The following NDUFA10 variants were observed in gnomAD, a reference collection of about 807,000 sequenced individuals.
NDUFA10 encodes NADH dehydrogenase [ubiquinone] 1 alpha subcomplex subunit 10, mitochondrial.
A neutral mutation model predicts 47.8 loss-of-function variants in NDUFA10; 40 were observed. The observed-to-expected ratio is 0.84, with a 90% CI of 0.65 to 1.09. The LOEUF (loss-of-function observed/expected upper bound fraction) is 1.09. NDUFA10 is among the 50% of genes least tolerant of loss of function. NDUFA10 has a pLI of 0.00. For missense variants in NDUFA10, 413 were observed against 451.1 expected (o/e 0.92, Z 0.76); for synonymous variants, 183 against 172.2 (o/e 1.06, Z -0.49).
intron 4 of NDUFA10, among the ~76,000 whole-genome samples, chr2:239,896,136 C>T (rs1438886767): frequency 2.6e-5 from 4 of 152,242 alleles, no homozygotes; most frequent in African/African-American, 9.6e-5. Flanking sequence ...TCGAGTCCTG[C>T]TGGTCTCCCG....
intron 4 of NDUFA10, among the ~76,000 whole-genome samples, chr2:239,931,411 T>C (rs566583333): frequency 6.1e-4 from 93 of 152,366 alleles, no homozygotes; most frequent in African/African-American, 2.1e-3. Context: ...CTCATCTCAG[T>C]ATCCTTAACT....
intron 4 of NDUFA10, among the ~76,000 whole-genome samples, chr2:239,903,049 A>G (rs1389238475): frequency 6.6e-6 from 1 of 152,132 alleles, no homozygotes; most frequent in Non-Finnish European, 1.5e-5. Context: ...CGGAACTCAC[A>G]TGGGCAATGA....
In NDUFA10 at chr2:239,937,305, G is replaced by A. The variant is rs115942844; in HGVS notation, c.295-41991C>T. ...ATTTACAGAATTGCGTAACTACTGC[G>A]GTATGATTTTAGAACATTTCCATCA... On this transcript the variant is annotated intron_variant, in intron 4 of 5. Transcript: ENST00000419408. Among the ~76,000 whole-genome samples, 56 of 152,288 alleles carry A rather than the reference G, an allele frequency of 3.7e-4. 1 individual carries two copies. The highest frequency in any genetic ancestry group is 1.1e-3 in the African/African-American group (47 of 41,564).
intron 4 of NDUFA10, among the ~76,000 whole-genome samples, chr2:239,947,195 C>T (rs1320071463): frequency 6.6e-6 from 1 of 152,248 alleles, no homozygotes; most frequent in East Asian, 1.9e-4. Flanking sequence ...CGCCTGCTCA[C>T]ACTGCTTAGA....
At chr2:239,904,309 T>G (rs1693608668) in intron 4 of NDUFA10, among the ~76,000 whole-genome samples, 2 of 152,196 alleles carry the variant, frequency 1.3e-5, no homozygotes, top group East Asian at 3.9e-4. Flanking sequence ...TCGTTATACA[T>G]ATTTTTTAGA....
At chr2:239,902,179 C>A (rs1574765216) in intron 4 of NDUFA10, among the ~76,000 whole-genome samples, 2 of 152,194 alleles carry the variant, frequency 1.3e-5, no homozygotes, top group Admixed American at 1.3e-4. Context: ...GGATAAAATG[C>A]TATCAAATAG....
intron 4 of NDUFA10, among the ~76,000 whole-genome samples, chr2:239,909,260 A>G (rs1206579349): frequency 6.6e-6 from 1 of 152,162 alleles, no homozygotes; most frequent in East Asian, 1.9e-4. Context: ...CTTACACCCT[A>G]TACAAAAATG....
intron 3 of NDUFA10, among the ~76,000 whole-genome samples, chr2:240,019,451 A>G (rs1005429429): frequency 3.9e-5 from 6 of 152,220 alleles, no homozygotes; most frequent in African/African-American, 1.4e-4. Context: ...GCAAGGCTTT[A>G]TTTAACAAGT....
downstream of NDUFA10, among the ~76,000 whole-genome samples, chr2:239,954,151 G>A (rs1280487743): frequency 6.9e-6 from 1 of 145,956 alleles, no homozygotes; most frequent in Non-Finnish European, 1.5e-5. Flanking sequence ...TTCCCCCGAC[G>A]GTCAGGCTGT....
At chr2:239,899,692 A>G (rs1693506993) in intron 4 of NDUFA10, among the ~76,000 whole-genome samples, 1 of 152,124 alleles carries the variant, frequency 6.6e-6, no homozygotes. Context: ...CACCCTGCAC[A>G]TCCCTGAGGG....
At chr2:239,980,114 C>G (rs777484303) in intron 9 of NDUFA10, among the ~76,000 whole-genome samples, 1 of 152,204 alleles carries the variant, frequency 6.6e-6, no homozygotes, top group Non-Finnish European at 1.5e-5. Context: ...CCCTGGCACC[C>G]TGTTACCTGT....
intron 8 of NDUFA10, among the ~76,000 whole-genome samples, chr2:240,002,374 T>C (rs2106465575): frequency 6.6e-6 from 1 of 151,514 alleles, no homozygotes; most frequent in Admixed American, 6.6e-5. Flanking sequence ...AAAGCGGGTT[T>C]TGTTGTTTGT....
At chr2:240,019,477 C>A (rs1341796753) in intron 3 of NDUFA10, among the ~76,000 whole-genome samples, 1 of 152,100 alleles carries the variant, frequency 6.6e-6, no homozygotes, top group Non-Finnish European at 1.5e-5. Context: ...GTTTCTTTTT[C>A]ATTTTAAGAA....
intron 4 of NDUFA10, chr2:240,018,345 T>C: frequency 2.1e-6 from 3 of 1,445,412 alleles, no homozygotes; most frequent in Non-Finnish European, 2.8e-6. Flanking sequence ...CAGGGAGACA[T>C]GACAGCACAA....
rs1201795845 is a variant in NDUFA10, at chr2:239,987,343, C to A, written c.999+2731G>T. On this transcript the variant is annotated intron_variant, in intron 9 of 9. Coordinates refer to ENST00000252711, the MANE Select transcript of NDUFA10 (RefSeq NM_004544.4). This position sits in a 1 kb window ranked among gnomAD's most constrained non-coding sequence, Gnocchi z 4.8. Reference sequence around the variant, plus strand: ...CTGTGCATCGACAGGAGGACTCGCTCGAATGCGTGTCTGGGCCCCATCCCC... The same window carrying A: ...CTGTGCATCGACAGGAGGACTCGCTAGAATGCGTGTCTGGGCCCCATCCCC... 6.6e-6 allele frequency among the ~76,000 whole-genome samples: 1 copy of A among 152,046 alleles called. No homozygotes were observed.
At chr2:239,946,437 C>G (rs1410936302) in intron 4 of NDUFA10, among the ~76,000 whole-genome samples, 2 of 152,228 alleles carry the variant, frequency 1.3e-5, no homozygotes, top group African/African-American at 4.8e-5. Context: ...GCTGGGCCTG[C>G]AAACCCCTCA....
At chr2:239,949,258 C>CGGAG (rs1402220859) in intron 4 of NDUFA10, among the ~76,000 whole-genome samples, 1 of 152,180 alleles carries the variant, frequency 6.6e-6, no homozygotes, top group African/African-American at 2.4e-5. Flanking sequence ...ATGCACGGCT[C>CGGAG]GGAGGGCGAA....
At chr2:239,942,599 T>C (rs1694376807) in intron 4 of NDUFA10, among the ~76,000 whole-genome samples, 1 of 152,230 alleles carries the variant, frequency 6.6e-6, no homozygotes, top group Admixed American at 6.5e-5. Flanking sequence ...CAAACTGTTC[T>C]CTTAGGCAAA....
At chr2:239,990,268 C>A in intron 8 of NDUFA10, 86 bp from the exon 9 acceptor site, 2 of 1,082,746 alleles carry the variant, frequency 1.8e-6, no homozygotes, top group Non-Finnish European at 2.8e-6. Context: ...TTTTAAACAT[C>A]CATATAAAAA....
Sources: gnomAD v4.1 joint callset for allele counts (sites outside exome capture counted in the v4.1 genomes callset) on GRCh38, gnomAD v4.1.1 for gene constraint, Gnocchi (gnomAD v3.1) non-coding constraint, MANE v1.5 for transcripts, NCBI Gene and HGNC (gene_info 2026-07-23, HGNC 2026-07-21) for gene names.